MAP3K13: variants seen among roughly 807,000 people sequenced by gnomAD.
The protein encoded by MAP3K13 is leucine zipper-bearing kinase.
MAP3K13 carries 52 observed loss-of-function variants against 104.0 expected under a neutral mutation model. That is an observed-to-expected ratio of 0.50 (90% CI 0.40 to 0.63). MAP3K13 has a LOEUF of 0.63. Ranked by LOEUF, MAP3K13 falls within the 20% of genes least tolerant of loss-of-function variation. MAP3K13 has a pLI of 0.00. For synonymous variants in MAP3K13, 394 were observed against 442.2 expected, an observed-to-expected ratio of 0.89 and a Z score of 1.37; for missense variants, 914 against 1,218.5, an observed-to-expected ratio of 0.75 and a Z score of 3.72.
intron 1 of MAP3K13, among the ~76,000 whole-genome samples, chr3:185,373,439 C>T (rs937485778): frequency 1.3e-5 from 2 of 152,024 alleles, no homozygotes; most frequent in African/African-American, 4.8e-5. Flanking sequence ...GTCAGGAGTT[C>T]GAGACTAGCC....
intron 2 of MAP3K13, among the ~76,000 whole-genome samples, chr3:185,313,631 G>C (rs143794769): frequency 6.6e-6 from 1 of 152,090 alleles, no homozygotes; most frequent in African/African-American, 2.4e-5. Flanking sequence ...AAAGTATTAG[G>C]GAGGAGAATA....
intron 2 of MAP3K13, among the ~76,000 whole-genome samples, chr3:185,434,899 T>G (rs936508695): frequency 6.6e-6 from 1 of 152,216 alleles, no homozygotes; most frequent in Admixed American, 6.5e-5. Context: ...TACTGCTCAG[T>G]TATGTTCTTG....
chr3:185,331,394 C>A (rs909679839), intron 2 of MAP3K13, among the ~76,000 whole-genome samples: 1 of 150,932 alleles, frequency 6.6e-6, no homozygotes, highest in Admixed American at 6.6e-5. Flanking sequence ...TGCGCCTGGC[C>A]TTTTCTTTTC....
In MAP3K13 at chr3:185,456,495, G is replaced by GA. The variant is rs556500220; in HGVS notation, c.1278+5106dup. ...AATCTTTATCTTCTGTTAGTAATCAGAAAAAACACTTAACCCTTTTGTGAA... is the reference window on the plus strand; with the variant it reads ...AATCTTTATCTTCTGTTAGTAATCAGAAAAAAACACTTAACCCTTTTGTGAA... On this transcript the variant is annotated intron_variant, in intron 7 of 13. Coordinates refer to ENST00000265026, the MANE Select transcript of MAP3K13 (RefSeq NM_004721.5). Among the ~76,000 whole-genome samples, 322 of 150,798 alleles carry GA rather than the reference G, an allele frequency of 2.1e-3. 1 individual carries two copies. The highest frequency in any genetic ancestry group is 7.3e-3 in the African/African-American group (300 of 41,078).
chr3:185,455,928 GT>G (rs1716707676), intron 7 of MAP3K13, among the ~76,000 whole-genome samples: 1 of 131,016 alleles, frequency 7.6e-6, no homozygotes, highest in Non-Finnish European at 1.6e-5. Flanking sequence ...TATATATGAT[GT>G]ATATATGAGA....
intron 2 of MAP3K13, among the ~76,000 whole-genome samples, chr3:185,305,242 T>C (rs982886248): frequency 6.6e-6 from 1 of 152,178 alleles, no homozygotes; most frequent in South Asian, 2.1e-4. Flanking sequence ...GAGAGAGACA[T>C]GCTTTGACAC....
In MAP3K13 at chr3:185,449,890, G is replaced by A. The variant is rs754924428; in HGVS notation, c.1011-10G>A. On this transcript the variant is annotated splice_polypyrimidine_tract_variant and intron_variant, in intron 5 of 13. Coordinates refer to ENST00000265026, the MANE Select transcript of MAP3K13 (RefSeq NM_004721.5). Reference sequence around the variant, plus strand: ...AACATCTTCTGTCCATGTTCCCGGCGCTACTGTAGGTCTTTTGGAGTGGTG... The same window carrying A: ...AACATCTTCTGTCCATGTTCCCGGCACTACTGTAGGTCTTTTGGAGTGGTG... The A allele has an allele frequency of 4.4e-6, 7 of 1,589,642 alleles. No homozygotes were observed. Among genetic ancestry groups the A allele is most frequent in the South Asian group, 2.3e-5 (2 of 86,790 alleles).
chr3:185,451,520 A>T, intron 7 of MAP3K13, 125 bp downstream of exon 7: 1 of 650,898 alleles, frequency 1.5e-6, no homozygotes, highest in Non-Finnish European at 2.8e-6. Context: ...TCATTGTGAC[A>T]CAATAAATAT....
At chr3:185,356,611 G>A (rs965777724) in intron 2 of MAP3K13, among the ~76,000 whole-genome samples, 1 of 152,168 alleles carries the variant, frequency 6.6e-6, no homozygotes, top group African/African-American at 2.4e-5. Context: ...TGAAACAAAT[G>A]TTCAGCCCCC....
intron 1 of MAP3K13, among the ~76,000 whole-genome samples, chr3:185,413,993 AC>A (rs1713599815): frequency 6.6e-6 from 1 of 152,138 alleles, no homozygotes; most frequent in African/African-American, 2.4e-5. Context: ...TATTTTTCTG[AC>A]CTAGACCTTT....
At chr3:185,449,550 T>C (rs1470397033) in intron 5 of MAP3K13, among the ~76,000 whole-genome samples, 3 of 152,124 alleles carry the variant, frequency 2.0e-5, no homozygotes, top group African/African-American at 7.2e-5. Context: ...CAACAACATT[T>C]ATTAACTAAT....
rs545058891 is a variant in MAP3K13 at position 185,460,566 on chromosome 3, C to T, written c.1279-2984C>T. Among the ~76,000 whole-genome samples, 205 of 152,288 alleles carry T rather than the reference C, an allele frequency of 1.3e-3. 2 individuals are homozygous for T. Among genetic ancestry groups the T allele is most frequent in the African/African-American group, 4.6e-3 (192 of 41,566 alleles). On this transcript the variant is annotated intron_variant, in intron 7 of 13. Coordinates refer to ENST00000265026, the MANE Select transcript of MAP3K13 (RefSeq NM_004721.5). ...ATTGGCTGTGGGCTTGCCCATCCTC[C>T]CTTTCTTCATATGTGCCCAGACATG...
chr3:185,418,239 G>A lies in MAP3K13; in HGVS notation c.-85-10258G>A, dbSNP rs1476609210. 6.2e-6 allele frequency: 10 copies of A among 1,606,998 alleles called. No individual in the cohort carries two copies. The highest frequency in any genetic ancestry group is 3.3e-5 in the South Asian group (3 of 90,892). On this transcript the variant is annotated intron_variant, in intron 1 of 13. Coordinates refer to ENST00000265026, the MANE Select transcript of MAP3K13 (RefSeq NM_004721.5). This position sits in a 1 kb window ranked among gnomAD's most constrained non-coding sequence, Gnocchi z 4.5. Reference sequence around the variant, plus strand: ...TTCGCTGAGAGGCATAGACCTTTTCGATATCATTCCAGGCTTTAAGTTTCT... The same window carrying A: ...TTCGCTGAGAGGCATAGACCTTTTCAATATCATTCCAGGCTTTAAGTTTCT...
chr3:185,437,201 A>C (rs751343005), intron 2 of MAP3K13, among the ~76,000 whole-genome samples: 3 of 151,958 alleles, frequency 2.0e-5, no homozygotes, highest in Non-Finnish European at 4.4e-5. Flanking sequence ...GATATGTTTT[A>C]TTTGGAGGAA....
At chr3:185,314,378 G>A (rs1721601791) in intron 2 of MAP3K13, among the ~76,000 whole-genome samples, 1 of 152,186 alleles carries the variant, frequency 6.6e-6, no homozygotes, top group Non-Finnish European at 1.5e-5. Flanking sequence ...CACTTTGGGA[G>A]GCCGAGGTGG....
chr3:185,345,157 C>T (rs1430828936), intron 2 of MAP3K13, among the ~76,000 whole-genome samples: 2 of 152,136 alleles, frequency 1.3e-5, no homozygotes, highest in African/African-American at 2.4e-5. Context: ...CCACTGCACC[C>T]GGCCCCATTT....
At chr3:185,333,074 T>G (rs1407619485) in intron 2 of MAP3K13, among the ~76,000 whole-genome samples, 1 of 152,238 alleles carries the variant, frequency 6.6e-6, no homozygotes, top group Non-Finnish European at 1.5e-5. Flanking sequence ...GCCTTTTTCT[T>G]CTGTGAACTC....
intron 2 of MAP3K13, among the ~76,000 whole-genome samples, chr3:185,291,254 CT>C (rs1720727051): frequency 6.6e-6 from 1 of 152,166 alleles, no homozygotes; most frequent in Non-Finnish European, 1.5e-5. Context: ...ATCAAAAGCT[CT>C]TTAAGACAAT....
At chr3:185,396,536 C>T (rs1046080740) in intron 1 of MAP3K13, among the ~76,000 whole-genome samples, 1 of 152,100 alleles carries the variant, frequency 6.6e-6, no homozygotes, top group African/African-American at 2.4e-5. Flanking sequence ...TCAATTATAC[C>T]TGCTCTGTCC....
Sources: gnomAD v4.1 joint callset for allele counts (sites outside exome capture counted in the v4.1 genomes callset) on GRCh38, gnomAD v4.1.1 for gene constraint, Gnocchi (gnomAD v3.1) non-coding constraint, MANE v1.5 for transcripts, NCBI Gene and HGNC (gene_info 2026-07-23, HGNC 2026-07-21) for gene names.